EEIG1: variants seen among roughly 807,000 people sequenced by gnomAD.
The protein encoded by EEIG1 is estrogen-induced osteoclastogenesis regulator 1, also known as early estrogen-induced gene 1 protein.
the EEIG1 span, chr9:127,953,865 CAT>C: frequency 6.2e-7 from 1 of 1,614,022 alleles, no homozygotes; most frequent in Non-Finnish European, 8.5e-7. Context: ...GGTTAGCACT[CAT>C]CTTACACACG....
the EEIG1 span, chr9:127,980,057 C>T: frequency 6.2e-7 from 1 of 1,613,824 alleles, no homozygotes; most frequent in Non-Finnish European, 8.5e-7. Context: ...GGACCCCGTT[C>T]ACGAAGGGAA....
At chr9:127,980,452 G>A in the EEIG1 span, 2 of 192,710 alleles carry the variant, frequency 1.0e-5, no homozygotes, top group Non-Finnish European at 2.1e-5. Context: ...GGCTGCGCGC[G>A]AGCGGCCGCG....
the EEIG1 span, among the ~76,000 whole-genome samples, chr9:127,949,037 C>T: frequency 4.6e-5 from 7 of 151,740 alleles, no homozygotes; most frequent in South Asian, 1.2e-3. Flanking sequence ...GGCTTTCGGC[C>T]GGGTGCCGTG....
the EEIG1 span, among the ~76,000 whole-genome samples, chr9:127,971,192 G>T: frequency 6.6e-6 from 1 of 152,204 alleles, no homozygotes. Context: ...TTAGTTGCCA[G>T]GTGCCTGGCC....
chr9:127,943,032 C>T, the EEIG1 span: 8 of 685,126 alleles, frequency 1.2e-5, no homozygotes, highest in East Asian at 2.2e-4. Flanking sequence ...ATGGGAGGGG[C>T]AATGGAATGA....
the EEIG1 span, among the ~76,000 whole-genome samples, chr9:127,955,265 A>G: frequency 6.6e-6 from 1 of 152,140 alleles, no homozygotes; most frequent in Non-Finnish European, 1.5e-5. Context: ...TTTGCTTTGC[A>G]TGGCAGTCTT....
the EEIG1 span, among the ~76,000 whole-genome samples, chr9:127,952,773 C>G: frequency 1.3e-5 from 2 of 152,060 alleles, no homozygotes; most frequent in African/African-American, 4.8e-5. Flanking sequence ...AGTGCAGTGG[C>G]GCAATCTCGG....
the EEIG1 span, chr9:127,953,905 C>A: frequency 6.2e-7 from 1 of 1,613,932 alleles, no homozygotes; most frequent in South Asian, 1.1e-5. Context: ...CCACCGCACA[C>A]AGTTCTCCTG....
At chr9:127,976,826 C>G in the EEIG1 span, among the ~76,000 whole-genome samples, 3 of 152,136 alleles carry the variant, frequency 2.0e-5, no homozygotes, top group African/African-American at 7.2e-5. This position sits in a 1 kb window ranked among gnomAD's most constrained non-coding sequence, Gnocchi z 4.1. Flanking sequence ...ACCACCAGGT[C>G]TCTGGGCCAT....
the EEIG1 span, among the ~76,000 whole-genome samples, chr9:127,962,045 T>C: frequency 6.6e-6 from 1 of 151,902 alleles, no homozygotes. Flanking sequence ...TGAGGACTGC[T>C]CCGATGGCAC....
the EEIG1 span, chr9:127,950,342 TC>T: frequency 7.0e-7 from 1 of 1,426,740 alleles, no homozygotes; most frequent in South Asian, 1.2e-5. Flanking sequence ...TTAACAACCC[TC>T]CTCCAGAGGA....
the EEIG1 span, among the ~76,000 whole-genome samples, chr9:127,963,497 C>T: frequency 2.9e-4 from 44 of 152,344 alleles, 3 homozygotes; most frequent in East Asian, 8.1e-3. Flanking sequence ...CTCAGCAAGG[C>T]GGGACAAGCC....
At chr9:127,980,965 T>A in the EEIG1 span, among the ~76,000 whole-genome samples, 1 of 149,184 alleles carries the variant, frequency 6.7e-6, no homozygotes, top group African/African-American at 2.4e-5. Context: ...CAGAGCCCGA[T>A]GCTGCGAGGC....
chr9:127,968,283 GA>G, the EEIG1 span, among the ~76,000 whole-genome samples: 1 of 151,972 alleles, frequency 6.6e-6, no homozygotes, highest in Admixed American at 6.6e-5. Flanking sequence ...CTGGCCCCTC[GA>G]ATGACTAGAC....
the EEIG1 span, among the ~76,000 whole-genome samples, chr9:127,956,109 G>A: frequency 2.0e-5 from 3 of 152,214 alleles, no homozygotes; most frequent in Non-Finnish European, 2.9e-5. Flanking sequence ...AATCCCTATA[G>A]GCAGGTGCCA....
At chr9:127,953,592 C>T in the EEIG1 span, 2 of 1,614,108 alleles carry the variant, frequency 1.2e-6, no homozygotes, top group South Asian at 1.1e-5. Context: ...TAAGCCTTCC[C>T]GCCTTTCAGC....
At chr9:127,960,532 C>T in the EEIG1 span, among the ~76,000 whole-genome samples, 2 of 152,136 alleles carry the variant, frequency 1.3e-5, no homozygotes, top group Non-Finnish European at 2.9e-5. Flanking sequence ...GAGGCCCAAG[C>T]TTGAAAGGGG....
the EEIG1 span, among the ~76,000 whole-genome samples, chr9:127,973,429 G>A: frequency 6.6e-6 from 1 of 152,222 alleles, no homozygotes; most frequent in Non-Finnish European, 1.5e-5. The surrounding 1 kb of genome is among the most constrained non-coding windows in gnomAD (Gnocchi z 4.2). Flanking sequence ...GCAGCTCCCA[G>A]GACGGAGCTT....
chr9:127,969,782 G>C, the EEIG1 span, among the ~76,000 whole-genome samples: 1 of 152,118 alleles, frequency 6.6e-6, no homozygotes, highest in African/African-American at 2.4e-5. Context: ...GGTCAGAACG[G>C]TTCAGGCTGC....
Sources: gnomAD v4.1 joint callset for allele counts (sites outside exome capture counted in the v4.1 genomes callset) on GRCh38, gnomAD v4.1.1 for gene constraint, Gnocchi (gnomAD v3.1) non-coding constraint, MANE v1.5 for transcripts, NCBI Gene and HGNC (gene_info 2026-07-23, HGNC 2026-07-21) for gene names.